DPF3: variants seen among roughly 807,000 people sequenced by gnomAD.
The protein encoded by DPF3 is double PHD fingers 3.
DPF3 carries 18 observed loss-of-function variants against 56.8 expected under a neutral mutation model. The observed-to-expected ratio is 0.32, with a 90% CI of 0.22 to 0.47. The LOEUF is 0.47. DPF3 is among the 20% of genes least tolerant of loss of function. The pLI is 1.00. For missense variants in DPF3, 403 were observed against 488.8 expected (o/e 0.82, Z 1.65); for synonymous variants, 188 against 180.2 (o/e 1.04, Z -0.35).
intron 7 of DPF3, among the ~76,000 whole-genome samples, chr14:72,677,232 C>G (rs1313558976): frequency 6.6e-6 from 1 of 152,164 alleles, no homozygotes; most frequent in Admixed American, 6.5e-5. Flanking sequence ...AGTGATCATG[C>G]ACAGCTGTTT....
chr14:72,836,370 G>C (rs1884294098), intron 1 of DPF3: 3 of 985,518 alleles, frequency 3.0e-6, no homozygotes, highest in Non-Finnish European at 3.6e-6. Flanking sequence ...GCACTCCAGA[G>C]AAACTGTCAG....
intron 1 of DPF3, among the ~76,000 whole-genome samples, chr14:72,844,917 C>T (rs187719589): frequency 6.6e-6 from 1 of 152,250 alleles, no homozygotes; most frequent in Non-Finnish European, 1.5e-5. Flanking sequence ...ACCAGGAGTT[C>T]AAGACCAGCC....
intron 8 of DPF3, chr14:72,671,112 G>T (rs763044776): frequency 1.2e-6 from 2 of 1,612,318 alleles, no homozygotes; most frequent in Non-Finnish European, 1.7e-6. Flanking sequence ...ATGGCTAATT[G>T]CCCAGAGAGT....
intron 2 of DPF3, among the ~76,000 whole-genome samples, chr14:72,760,406 AC>A (rs1381281244): frequency 1.3e-5 from 2 of 152,106 alleles, no homozygotes; most frequent in Non-Finnish European, 2.9e-5. Flanking sequence ...TTTTATAAGA[AC>A]CCTTGTGATT....
intron 1 of DPF3, among the ~76,000 whole-genome samples, chr14:72,852,997 T>A (rs4243644): frequency 0.48 from 72,919 of 150,914 alleles, 18,532 homozygotes; most frequent in East Asian, 0.87. Context: ...GATTTTTTTT[T>A]AATTAAACTA....
At chr14:72,827,997 T>C (rs1420018028) in intron 1 of DPF3, among the ~76,000 whole-genome samples, 2 of 152,140 alleles carry the variant, frequency 1.3e-5, no homozygotes, top group South Asian at 2.1e-4. Context: ...AATTCAAAGG[T>C]TAATCATCTC....
chr14:72,826,969 A>C (rs996250296), intron 1 of DPF3, among the ~76,000 whole-genome samples: 2 of 151,236 alleles, frequency 1.3e-5, no homozygotes, highest in African/African-American at 4.9e-5. Flanking sequence ...TTGAAACTGG[A>C]AGGTGGAGGT....
At chr14:72,871,304 C>G (rs1206681804) in intron 1 of DPF3, among the ~76,000 whole-genome samples, 1 of 152,204 alleles carries the variant, frequency 6.6e-6, no homozygotes, top group Non-Finnish European at 1.5e-5. Context: ...CCAATCATGC[C>G]TTCCCAAAAG....
At chr14:72,749,687 C>G (rs1436963557) in intron 3 of DPF3, among the ~76,000 whole-genome samples, 2 of 152,082 alleles carry the variant, frequency 1.3e-5, no homozygotes, top group African/African-American at 4.8e-5. Flanking sequence ...CTTTCCCATG[C>G]TGTTCTCATT....
intron 7 of DPF3, among the ~76,000 whole-genome samples, chr14:72,677,361 T>A (rs1299487493): frequency 6.6e-6 from 1 of 152,230 alleles, no homozygotes; most frequent in Non-Finnish European, 1.5e-5. Flanking sequence ...ATGCACCTGA[T>A]TTTCTTAAAC....
chr14:72,839,163 C>T (rs939467752), intron 1 of DPF3, among the ~76,000 whole-genome samples: 4 of 151,722 alleles, frequency 2.6e-5, no homozygotes, highest in Non-Finnish European at 5.9e-5. Context: ...TCAAGTGATC[C>T]ATCTGCCTCA....
chr14:72,632,565 G>A (rs1885227226), intron 8 of DPF3, among the ~76,000 whole-genome samples: 1 of 147,964 alleles, frequency 6.8e-6, no homozygotes, highest in African/African-American at 2.5e-5. Context: ...GAAGGTGGAA[G>A]GCAGATAAGA....
intron 8 of DPF3, among the ~76,000 whole-genome samples, chr14:72,654,170 G>A (rs909108184): frequency 3.9e-5 from 6 of 152,066 alleles, no homozygotes; most frequent in African/African-American, 9.7e-5. Flanking sequence ...GTGGACGCTC[G>A]TAACATACCT....
intron 2 of DPF3, among the ~76,000 whole-genome samples, chr14:72,753,943 G>A (rs1301413549): frequency 6.6e-6 from 1 of 151,900 alleles, no homozygotes; most frequent in Non-Finnish European, 1.5e-5. Context: ...ACCCACTCTG[G>A]TGACCAGGCC....
chr14:72,884,665 C>T (rs1886445393), intron 1 of DPF3, among the ~76,000 whole-genome samples: 1 of 151,756 alleles, frequency 6.6e-6, no homozygotes, highest in Non-Finnish European at 1.5e-5. Flanking sequence ...CACCCACCTC[C>T]TGTTGTCAGA....
At chr14:72,620,117 T>A in intron 9 of DPF3, 133 bp from the exon 10 acceptor site, 1 of 828,160 alleles carries the variant, frequency 1.2e-6, no homozygotes, top group East Asian at 2.8e-5. Flanking sequence ...CCACTTGGAG[T>A]CCTCACTGTC....
intron 1 of DPF3, among the ~76,000 whole-genome samples, chr14:72,779,228 G>A (rs1891871435): frequency 6.6e-6 from 1 of 152,218 alleles, no homozygotes; most frequent in Admixed American, 6.5e-5. Flanking sequence ...GTCTGTGACT[G>A]GCAATTTAAA....
chr14:72,809,186 C>A (rs548656652), intron 1 of DPF3, among the ~76,000 whole-genome samples: 2 of 152,380 alleles, frequency 1.3e-5, no homozygotes, highest in East Asian at 3.9e-4. Context: ...AGGACAGGGC[C>A]ATGCCCTTGA....
chr14:72,865,378 T>C (rs531084860), intron 1 of DPF3, among the ~76,000 whole-genome samples: 59 of 152,342 alleles, frequency 3.9e-4, no homozygotes, highest in African/African-American at 1.3e-3. Context: ...CATGGGAGCA[T>C]GATGCGGGGA....
Sources: allele counts gnomAD v4.1 joint callset (sites outside exome capture counted in the v4.1 genomes callset), GRCh38; gene constraint gnomAD v4.1.1; transcripts MANE v1.5; gene names NCBI Gene and HGNC (gene_info 2026-07-23, HGNC 2026-07-21).